CAMTA1: variants seen among roughly 807,000 people sequenced by gnomAD.
CAMTA1 encodes calmodulin-binding transcription activator 1.
Under a neutral mutation model 170.9 loss-of-function variants are expected in CAMTA1, and 27 were observed. That is an observed-to-expected ratio of 0.16 (90% CI 0.12 to 0.22). CAMTA1 has a LOEUF of 0.22. Among genes scored for constraint, CAMTA1 ranks in the 10% least tolerant of loss-of-function variants. The pLI, the probability that CAMTA1 is intolerant of heterozygous loss-of-function variation, is 1.00. For synonymous variants in CAMTA1, 833 were observed against 891.5 expected (o/e 0.93, Z 1.17); for missense variants, 1,619 against 2,217.2 (o/e 0.73, Z 5.42).
chr1:7,232,342 G>A (rs760130339), intron 4 of CAMTA1, among the ~76,000 whole-genome samples: 8 of 152,178 alleles, frequency 5.3e-5, no homozygotes, highest in African/African-American at 1.2e-4. Flanking sequence ...CGGAGGCACC[G>A]ACATCTGCCT....
chr1:6,854,347 T>C (rs2148835040), intron 3 of CAMTA1, among the ~76,000 whole-genome samples: 1 of 152,318 alleles, frequency 6.6e-6, no homozygotes, highest in South Asian at 2.1e-4. Context: ...GGATATACCA[T>C]ATGGCTTAGG....
chr1:7,378,500 G>A (rs932274729), intron 5 of CAMTA1, among the ~76,000 whole-genome samples: 1 of 152,212 alleles, frequency 6.6e-6, no homozygotes, highest in African/African-American at 2.4e-5. Flanking sequence ...AAAGAAGTCA[G>A]TCGCAGCAGG....
chr1:7,108,747 A>G (rs369986331), intron 4 of CAMTA1, among the ~76,000 whole-genome samples: 2 of 152,218 alleles, frequency 1.3e-5, no homozygotes, highest in Non-Finnish European at 2.9e-5. Flanking sequence ...TTAGTTACCT[A>G]TTGCGCTAAT....
At chr1:7,472,468 GAGAAAAC>G (rs1403105575) in intron 6 of CAMTA1, among the ~76,000 whole-genome samples, 3 of 152,148 alleles carry the variant, frequency 2.0e-5, no homozygotes, top group African/African-American at 7.2e-5. Flanking sequence ...CTTCACCTGG[GAGAAAAC>G]AGCCTCCGAG....
chr1:6,879,930 T>TG (rs1671038420), intron 3 of CAMTA1, among the ~76,000 whole-genome samples: 1 of 151,896 alleles, frequency 6.6e-6, no homozygotes, highest in Non-Finnish European at 1.5e-5. Flanking sequence ...CCTGGCCCTG[T>TG]GGGAGGTTTC....
intron 5 of CAMTA1, chr1:7,382,787 G>T (rs944554658): frequency 6.6e-6 from 1 of 152,066 alleles, no homozygotes; most frequent in African/African-American, 2.4e-5. Flanking sequence ...ATGCCTCTTT[G>T]TTGCAGTGAT....
At chr1:7,402,995 A>G (rs1029290456) in intron 5 of CAMTA1, among the ~76,000 whole-genome samples, 17 of 152,210 alleles carry the variant, frequency 1.1e-4, no homozygotes, top group Admixed American at 9.8e-4. Context: ...ATAAATGAAC[A>G]AATGATTCTG....
At chr1:7,698,074 A>C (rs1330257103) in intron 11 of CAMTA1, among the ~76,000 whole-genome samples, 312 of 98,388 alleles carry the variant, frequency 3.2e-3, no homozygotes, top group Middle Eastern at 6.0e-3. Context: ...ACGCACTGTG[A>C]CCCCCCCCCC....
intron 6 of CAMTA1, among the ~76,000 whole-genome samples, chr1:7,538,660 C>CA (rs201637267): frequency 3.4e-4 from 52 of 151,054 alleles, no homozygotes; most frequent in Non-Finnish European, 5.8e-4. Context: ...TGTCTCTCAA[C>CA]AAAAAAAAAT....
At chr1:7,587,185 G>C (rs1166029890) in intron 6 of CAMTA1, among the ~76,000 whole-genome samples, 1 of 152,088 alleles carries the variant, frequency 6.6e-6, no homozygotes. Flanking sequence ...GGAGGTGGGG[G>C]GCCCACACAG....
intron 5 of CAMTA1, among the ~76,000 whole-genome samples, chr1:7,454,751 T>C (rs1446080936): frequency 1.3e-5 from 2 of 152,164 alleles, no homozygotes; most frequent in Non-Finnish European, 2.9e-5. Flanking sequence ...TCAGTCAGCC[T>C]GGGTCTGAGG....
At position 7,674,456 on chromosome 1, in the gene CAMTA1, T is replaced by C. The variant is rs12131090; in HGVS notation, c.2780-3143T>C. On this transcript the variant is annotated intron_variant, in intron 10 of 22. Transcript: ENST00000303635. The surrounding 1 kb of genome is among the most constrained non-coding windows in gnomAD (Gnocchi z 4.1). ...GCCAGAGAGCCCTACTCTGGATTCC[T>C]AAGAGGTCACCAGAACACAAAAGAT... Among the ~76,000 whole-genome samples, 1,079 of 151,910 alleles carry C rather than the reference T, an allele frequency of 7.1e-3. 6 individuals are homozygous for C. The highest frequency in any genetic ancestry group is 9.8e-3 in the Non-Finnish European group (667 of 67,902).
intron 4 of CAMTA1, among the ~76,000 whole-genome samples, chr1:7,095,377 C>G (rs1385141386): frequency 1.3e-5 from 2 of 152,202 alleles, no homozygotes; most frequent in Non-Finnish European, 2.9e-5. Flanking sequence ...TCGGGTATTT[C>G]TAGTCCCAGG....
intron 6 of CAMTA1, among the ~76,000 whole-genome samples, chr1:7,540,127 A>C (rs1265367506): frequency 6.6e-6 from 1 of 152,010 alleles, no homozygotes; most frequent in African/African-American, 2.4e-5. Flanking sequence ...ATCTGGCCCC[A>C]CTCCAAGAAC....
chr1:7,642,565 A>T lies in CAMTA1; in HGVS notation c.664+2012A>T, dbSNP rs2095772141. On this transcript the variant is annotated intron_variant, in intron 7 of 22. Coordinates refer to ENST00000303635, the MANE Select transcript of CAMTA1 (RefSeq NM_015215.4). The surrounding 1 kb of genome is among the most constrained non-coding windows in gnomAD (Gnocchi z 6.3). Reference sequence around the variant, plus strand: ...GCACCGGACACTGGGTCCTGCCTAGACCCCGCCCCAGGGGGCCTACTGATA... The same window carrying T: ...GCACCGGACACTGGGTCCTGCCTAGTCCCCGCCCCAGGGGGCCTACTGATA... Among the ~76,000 whole-genome samples the T allele has an allele frequency of 6.6e-6, 1 of 151,922 alleles. No individual in the cohort carries two copies. Among genetic ancestry groups the T allele is most frequent in the Admixed American group, 6.6e-5 (1 of 15,266 alleles).
At chr1:7,501,457 G>A (rs2094004533) in intron 6 of CAMTA1, among the ~76,000 whole-genome samples, 1 of 152,146 alleles carries the variant, frequency 6.6e-6, no homozygotes, top group African/African-American at 2.4e-5. Flanking sequence ...CATTAGGGAT[G>A]GCCTTGGGCT....
intron 11 of CAMTA1, among the ~76,000 whole-genome samples, chr1:7,708,724 A>G (rs941247038): frequency 1.3e-5 from 2 of 152,232 alleles, no homozygotes; most frequent in African/African-American, 4.8e-5. Flanking sequence ...CCTACTATAC[A>G]TCAGTTGCTT....
At chr1:7,269,808 A>G (rs560506283) in intron 5 of CAMTA1, among the ~76,000 whole-genome samples, 4 of 152,346 alleles carry the variant, frequency 2.6e-5, no homozygotes, top group African/African-American at 9.6e-5. Flanking sequence ...AAATAGTTGA[A>G]GAACAGGTGG....
At chr1:7,529,880 T>G (rs2094471505) in intron 6 of CAMTA1, among the ~76,000 whole-genome samples, 1 of 152,232 alleles carries the variant, frequency 6.6e-6, no homozygotes, top group Non-Finnish European at 1.5e-5. Flanking sequence ...GAAGTGAGGC[T>G]GTCCTGGGAG....
Sources: allele counts gnomAD v4.1 joint callset (sites outside exome capture counted in the v4.1 genomes callset), GRCh38; gene constraint gnomAD v4.1.1; non-coding constraint Gnocchi (gnomAD v3.1); transcripts MANE v1.5; gene names NCBI Gene and HGNC (gene_info 2026-07-23, HGNC 2026-07-21).